Variants in JARID2 observed in about 807,000 individuals in gnomAD.
JARID2 encodes the protein jumonji and AT-rich interaction domain containing 2, also known as protein Jumonji.
Under a neutral mutation model 125.6 loss-of-function variants are expected in JARID2, and 21 were observed. The observed-to-expected ratio is 0.17, with a 90% CI of 0.12 to 0.24. The LOEUF is 0.24. Ranked by LOEUF, JARID2 falls within the 10% of genes least tolerant of loss-of-function variation. The probability of loss-of-function intolerance (pLI) is 1.00; values close to 1 mark genes in which losing one functional copy is unlikely to be tolerated. For missense variants in JARID2, 1,303 were observed against 1,639.6 expected (o/e 0.79, Z 3.55); for synonymous variants, 736 against 661.6 (o/e 1.11, Z -1.73).
chr6:15,431,165 C>T (rs1264772442), intron 3 of JARID2, among the ~76,000 whole-genome samples: 5 of 152,144 alleles, frequency 3.3e-5, no homozygotes, highest in South Asian at 2.1e-4. Flanking sequence ...TCTTATGCCT[C>T]CTGCAATTCA....
intron 1 of JARID2, among the ~76,000 whole-genome samples, chr6:15,275,417 C>A (rs189872575): frequency 3.2e-3 from 486 of 151,664 alleles, no homozygotes; most frequent in Non-Finnish European, 3.8e-3. Flanking sequence ...TCACAGTCAC[C>A]TGTAATTGGA....
At chr6:15,331,058 G>T (rs1284202212) in intron 1 of JARID2, among the ~76,000 whole-genome samples, 1 of 152,156 alleles carries the variant, frequency 6.6e-6, no homozygotes, top group Non-Finnish European at 1.5e-5. Flanking sequence ...AAGCAAAAAG[G>T]CTGGATGTGA....
At chr6:15,425,080 G>C (rs980875999) in intron 3 of JARID2, among the ~76,000 whole-genome samples, 1 of 152,066 alleles carries the variant, frequency 6.6e-6, no homozygotes, top group Non-Finnish European at 1.5e-5. Context: ...CAAGGCTCCC[G>C]GTATGTAATA....
At chr6:15,423,639 G>T (rs1334387011) in intron 3 of JARID2, among the ~76,000 whole-genome samples, 1 of 152,168 alleles carries the variant, frequency 6.6e-6, no homozygotes, top group African/African-American at 2.4e-5. Flanking sequence ...CCTAGATCAG[G>T]ATAATTAAGT....
Position 15,507,123 on chromosome 6 carries a change from C to T in JARID2, c.2542-13C>T, listed in dbSNP as rs1327641606. 6.4e-7 allele frequency: 1 copy of T among 1,569,208 alleles called. No homozygotes were observed. The highest frequency in any genetic ancestry group is 1.7e-5 in the Admixed American group (1 of 59,944). On this transcript the variant is annotated splice_polypyrimidine_tract_variant and intron_variant, in intron 9 of 17. Transcript: ENST00000341776. ...CTTAGGGGTGCTGACCAGCCCTTTC[C>T]TGTTCCCTGCAGCAAGAGTACTGGA...
intron 5 of JARID2, among the ~76,000 whole-genome samples, chr6:15,481,607 TC>T (rs1769619254): frequency 6.6e-6 from 1 of 152,194 alleles, no homozygotes; most frequent in Non-Finnish European, 1.5e-5. Context: ...TGTCTTTGGC[TC>T]TGTCGGTGTT....
chr6:15,363,186 G>A (rs948114166), intron 1 of JARID2, among the ~76,000 whole-genome samples: 8 of 152,196 alleles, frequency 5.3e-5, no homozygotes, highest in African/African-American at 1.9e-4. Context: ...GGCAATTAGA[G>A]TGTTTCTCAT....
At chr6:15,493,163 G>T (rs1186052142) in intron 6 of JARID2, among the ~76,000 whole-genome samples, 5 of 152,008 alleles carry the variant, frequency 3.3e-5, no homozygotes, top group African/African-American at 1.2e-4. Flanking sequence ...ATTTGAGATA[G>T]AATATGAGAG....
intron 1 of JARID2, among the ~76,000 whole-genome samples, chr6:15,253,911 G>A (rs1480792634): frequency 6.6e-6 from 1 of 152,116 alleles, no homozygotes; most frequent in Non-Finnish European, 1.5e-5. Flanking sequence ...CCAGTCAGAT[G>A]GTTAGTTTTC....
intron 3 of JARID2, among the ~76,000 whole-genome samples, chr6:15,427,162 C>T (rs755139966): frequency 1.3e-5 from 2 of 152,166 alleles, no homozygotes; most frequent in African/African-American, 2.4e-5. Flanking sequence ...ATTAGATACT[C>T]AATTCTTCTG....
At chr6:15,272,670 G>C (rs1760343523) in intron 1 of JARID2, among the ~76,000 whole-genome samples, 1 of 152,162 alleles carries the variant, frequency 6.6e-6, no homozygotes, top group Admixed American at 6.5e-5. Flanking sequence ...TGGAGCCTGT[G>C]TTTGATTTCA....
chr6:15,259,310 A>G (rs552715765), intron 1 of JARID2, among the ~76,000 whole-genome samples: 206 of 152,230 alleles, frequency 1.4e-3, no homozygotes, highest in African/African-American at 4.7e-3. Context: ...TGTTTGTTCT[A>G]TTTTCAGCTT....
chr6:15,331,763 T>G (rs1348448837), intron 1 of JARID2, among the ~76,000 whole-genome samples: 1 of 152,100 alleles, frequency 6.6e-6, no homozygotes, highest in African/African-American at 2.4e-5. Context: ...GAGGTTGCAG[T>G]GAGCCGAGAT....
At chr6:15,334,610 G>A (rs968375652) in intron 1 of JARID2, among the ~76,000 whole-genome samples, 1 of 152,060 alleles carries the variant, frequency 6.6e-6, no homozygotes, top group African/African-American at 2.4e-5. Flanking sequence ...TGCGCTTTGG[G>A]GTACCAGCTT....
intron 1 of JARID2, among the ~76,000 whole-genome samples, chr6:15,346,434 C>G (rs371984849): frequency 6.6e-6 from 1 of 152,088 alleles, no homozygotes; most frequent in East Asian, 1.9e-4. Context: ...TGTTTGTACC[C>G]CTTTTAAGTT....
chr6:15,447,572 A>T (rs1233363837), intron 3 of JARID2, among the ~76,000 whole-genome samples: 1 of 152,158 alleles, frequency 6.6e-6, no homozygotes, highest in Non-Finnish European at 1.5e-5. Flanking sequence ...CTTCAACCCC[A>T]GGAACCCCGT....
At chr6:15,265,489 A>G (rs1293121383) in intron 1 of JARID2, among the ~76,000 whole-genome samples, 1 of 152,038 alleles carries the variant, frequency 6.6e-6, no homozygotes, top group Admixed American at 6.6e-5. Flanking sequence ...TGGGATTTCA[A>G]ATATCTGTGC....
chr6:15,471,327 G>A (rs1234266514), intron 5 of JARID2, among the ~76,000 whole-genome samples: 2 of 152,114 alleles, frequency 1.3e-5, no homozygotes, highest in African/African-American at 2.4e-5. Context: ...TGGATAGAAA[G>A]GAAACCTCTG....
chr6:15,421,518 T>TTAC (rs1213147967), intron 3 of JARID2, among the ~76,000 whole-genome samples: 1 of 152,150 alleles, frequency 6.6e-6, no homozygotes, highest in South Asian at 2.1e-4. Flanking sequence ...GTAAACTCCA[T>TTAC]TCCATAATAA....
Sources: allele counts gnomAD v4.1 joint callset (sites outside exome capture counted in the v4.1 genomes callset), GRCh38; gene constraint gnomAD v4.1.1; transcripts MANE v1.5; gene names NCBI Gene and HGNC (gene_info 2026-07-23, HGNC 2026-07-21).